The following ADAMTS16 variants were observed in gnomAD, a reference collection of about 807,000 sequenced individuals.
ADAMTS16 encodes the protein A disintegrin and metalloproteinase with thrombospondin motifs 16.
Under a neutral mutation model 145.8 loss-of-function variants are expected in ADAMTS16, and 94 were observed. The ratio of observed to expected loss-of-function variants is 0.64; its 90% CI spans 0.55 to 0.77. The LOEUF (loss-of-function observed/expected upper bound fraction) is 0.77, where lower values mean the gene tolerates loss of function less well. Among genes scored for constraint, ADAMTS16 ranks in the 30% least tolerant of loss-of-function variants. The probability of loss-of-function intolerance (pLI) is 0.00; values close to 1 mark genes in which losing one functional copy is unlikely to be tolerated. For missense variants in ADAMTS16, 1,585 were observed against 1,591.5 expected, an observed-to-expected ratio of 1.00 and a Z score of 0.07; for synonymous variants, 659 against 604.3, an observed-to-expected ratio of 1.09 and a Z score of -1.33.
At chr5:5,206,235 G>A (rs1224312381) in intron 9 of ADAMTS16, among the ~76,000 whole-genome samples, 1 of 149,662 alleles carries the variant, frequency 6.7e-6, no homozygotes, top group Non-Finnish European at 1.5e-5. Flanking sequence ...GACCATCCCG[G>A]CTAACACGGT....
intron 18 of ADAMTS16, among the ~76,000 whole-genome samples, chr5:5,301,222 C>T (rs1308458839): frequency 6.6e-6 from 1 of 152,054 alleles, no homozygotes; most frequent in Non-Finnish European, 1.5e-5. Flanking sequence ...CCTCACCCAG[C>T]TAATTTTTGT....
chr5:5,266,879 A>G (rs1388774574), intron 18 of ADAMTS16, among the ~76,000 whole-genome samples: 1 of 152,208 alleles, frequency 6.6e-6, no homozygotes, highest in Non-Finnish European at 1.5e-5. Context: ...CGAGACCATA[A>G]TACAATTATT....
intron 18 of ADAMTS16, among the ~76,000 whole-genome samples, chr5:5,265,286 A>C (rs1211176321): frequency 1.3e-5 from 2 of 152,208 alleles, no homozygotes; most frequent in African/African-American, 4.8e-5. Context: ...TTGTGGCCTG[A>C]AGTGAACTCA....
rs533076736 is a variant in ADAMTS16, at chr5:5,235,200, T to C, written c.2023+14T>C. 2 of 1,551,616 alleles carry C rather than the reference T, an allele frequency of 1.3e-6. No individual in the cohort carries two copies. The highest frequency in any genetic ancestry group is 1.9e-4 in the Middle Eastern group (1 of 5,162). On this transcript the variant is annotated intron_variant, in intron 13 of 22. Coordinates refer to ENST00000274181, the MANE Select transcript of ADAMTS16 (RefSeq NM_139056.4). ...CTCAAGTAGAAGGTAAATCTCAAAC[T>C]GCTTTCGGGTAATAGCCTCATGCTT...
At chr5:5,142,979 G>A (rs531406444) in intron 2 of ADAMTS16, among the ~76,000 whole-genome samples, 2 of 152,236 alleles carry the variant, frequency 1.3e-5, no homozygotes, top group Admixed American at 1.3e-4. Context: ...TTAATAAATG[G>A]TGCTGGGAAA....
At chr5:5,145,059 T>G (rs554632457) in intron 2 of ADAMTS16, among the ~76,000 whole-genome samples, 2 of 152,316 alleles carry the variant, frequency 1.3e-5, no homozygotes, top group South Asian at 4.2e-4. Context: ...CAGGGCTTCT[T>G]GGAGTTCAGT....
Position 5,303,574 on chromosome 5 carries a change from C to T in ADAMTS16, c.2994C>T (p.Cys998=). The part of the protein sequence containing the change: ...PAWSAGPWAE[C]SHTCGKGWRK... The stretch of plus-strand genomic sequence containing the variant: ...CTTATCCTGACTGTTCTGTGCAGTG[C>T]TCACACACCTGTGGGAAGGGGTGGA... Residue 998 remains cysteine (C), a splice_region_variant and synonymous_variant, in exon 20 of 23, where the codon TGC becomes TGT. Transcript: ENST00000274181. The T allele has an allele frequency of 6.2e-7, 1 of 1,614,086 alleles. No homozygotes were observed. Among genetic ancestry groups the T allele is most frequent in the South Asian group, 1.1e-5 (1 of 91,062 alleles).
In ADAMTS16 at chr5:5,194,100, T is replaced by TA. The variant is rs371912353; in HGVS notation, c.1313+2320dup. Among the ~76,000 whole-genome samples the TA allele has an allele frequency of 3.4e-3, 510 of 147,994 alleles. 4 individuals carry two copies. Among genetic ancestry groups the TA allele is most frequent in the Middle Eastern group, 0.014 (4 of 288 alleles). ...CTGGGTGGCAGAATGAGACCCTGTA[T>TA]AAAAAAAAAATAAAAATAAGCCCTG... On this transcript the variant is annotated intron_variant, in intron 8 of 22. Transcript: ENST00000274181.
At chr5:5,142,644 C>T (rs1186466672) in intron 2 of ADAMTS16, among the ~76,000 whole-genome samples, 2 of 152,150 alleles carry the variant, frequency 1.3e-5, no homozygotes, top group Admixed American at 6.5e-5. Context: ...ATCCATTAGA[C>T]AAGTTGGTTC....
At chr5:5,223,634 A>G (rs1194493703) in intron 11 of ADAMTS16, 1 of 152,142 alleles carries the variant, frequency 6.6e-6, no homozygotes, top group Non-Finnish European at 1.5e-5. Flanking sequence ...CTGAACCTAA[A>G]ACAAAAGTCG....
At chr5:5,181,518 G>T (rs1735338474) in intron 3 of ADAMTS16, among the ~76,000 whole-genome samples, 2 of 152,086 alleles carry the variant, frequency 1.3e-5, no homozygotes, top group African/African-American at 2.4e-5. Flanking sequence ...GATTCCCTAA[G>T]AACAATTTTT....
chr5:5,158,373 T>C (rs2126522715), intron 3 of ADAMTS16, among the ~76,000 whole-genome samples: 1 of 152,122 alleles, frequency 6.6e-6, no homozygotes, highest in East Asian at 1.9e-4. Context: ...GATGGGTAAA[T>C]GGATGGAAGA....
chr5:5,240,821 C>T (rs951144562), intron 16 of ADAMTS16, among the ~76,000 whole-genome samples: 1 of 152,310 alleles, frequency 6.6e-6, no homozygotes, highest in East Asian at 1.9e-4. Flanking sequence ...CCTTTATAAA[C>T]AAATTTATCT....
At chr5:5,205,013 T>A (rs773470854) in intron 9 of ADAMTS16, among the ~76,000 whole-genome samples, 1 of 152,234 alleles carries the variant, frequency 6.6e-6, no homozygotes, top group African/African-American at 2.4e-5. Context: ...ACATTTTATA[T>A]GTTTAATGGC....
intron 17 of ADAMTS16, among the ~76,000 whole-genome samples, chr5:5,253,150 G>A (rs1473010622): frequency 6.6e-6 from 1 of 152,162 alleles, no homozygotes; most frequent in East Asian, 1.9e-4. Context: ...CAATTAGAAA[G>A]TTTATTTTGC....
At chr5:5,259,038 C>T (rs1292639176) in intron 17 of ADAMTS16, among the ~76,000 whole-genome samples, 1 of 152,112 alleles carries the variant, frequency 6.6e-6, no homozygotes, top group Non-Finnish European at 1.5e-5. Flanking sequence ...CACATTGTTG[C>T]CCACCCCTCG....
At chr5:5,244,061 C>G (rs985941943) in intron 17 of ADAMTS16, among the ~76,000 whole-genome samples, 1 of 152,166 alleles carries the variant, frequency 6.6e-6, no homozygotes, top group African/African-American at 2.4e-5. Context: ...TACAGGATGT[C>G]TGTATTTCCC....
intron 11 of ADAMTS16, 132 bp downstream of exon 11, chr5:5,223,016 C>G: frequency 3.0e-6 from 2 of 658,334 alleles, no homozygotes; most frequent in East Asian, 2.7e-5. Context: ...ATGCTCCTAT[C>G]AAACACTGTG....
rs749600471 is a variant in ADAMTS16 at position 5,209,094 on chromosome 5, A to G, written c.1453A>G (p.Thr485Ala). 6 of 1,612,806 alleles carry G rather than the reference A, an allele frequency of 3.7e-6. No individual in the cohort carries two copies. In the East Asian group the frequency reaches 6.7e-5, roughly 18 times the overall value. Residue 485 changes from threonine to alanine, a missense_variant and splice_region_variant, in exon 10 of 23, where the codon ACC (threonine) becomes GCC (alanine). By Grantham distance (58) the Thr-to-Ala change is moderately conservative. Coordinates refer to ENST00000274181, the MANE Select transcript of ADAMTS16 (RefSeq NM_139056.4). Reference sequence around the variant, plus strand: ...TAGCTCATCTCCTCTTTGTTTCAGCACCGCTCAAGCTATCTGCCTTGCTGA... The same window carrying G: ...TAGCTCATCTCCTCTTTGTTTCAGCGCCGCTCAAGCTATCTGCCTTGCTGA... ...SRQYLHKFLS[T>A]AQAICLADQP...
Sources: allele counts gnomAD v4.1 joint callset (sites outside exome capture counted in the v4.1 genomes callset), GRCh38; gene constraint gnomAD v4.1.1; transcripts MANE v1.5; gene names NCBI Gene and HGNC (gene_info 2026-07-23, HGNC 2026-07-21).